STARD8: variants seen among roughly 807,000 people sequenced by gnomAD.
STARD8 encodes the protein StAR related lipid transfer domain containing 8, also known as stAR-related lipid transfer protein 8.
STARD8 carries 25 observed loss-of-function variants against 69.4 expected under a neutral mutation model. The ratio of observed to expected loss-of-function variants is 0.36; its 90% CI spans 0.26 to 0.50. The LOEUF (loss-of-function observed/expected upper bound fraction) is 0.50. STARD8 is among the 20% of genes least tolerant of loss of function. The pLI is 0.96. For missense variants in STARD8, 921 were observed against 932.5 expected (o/e 0.99, Z 0.16); for synonymous variants, 389 against 374.6 (o/e 1.04, Z -0.45).
chrX:68,680,850 C>G lies in STARD8; in HGVS notation c.79+15318C>G, dbSNP rs755498229. 4.5e-5 allele frequency among the ~76,000 whole-genome samples: 5 copies of G among 110,714 alleles called. No individual in the cohort carries two copies. The East Asian group carries it at 1.4e-3, about 31-fold the overall frequency. ...TGATACAAGGGCAAGAAGAAAGCAG[C>G]GAGGCAGGGTGAAGGGGTAAGTGGT... On this transcript the variant is annotated intron_variant, in intron 2 of 14. Transcript: ENST00000374599.
At chrX:68,654,733 GCA>G (rs755613596) in intron 1 of STARD8, among the ~76,000 whole-genome samples, 10 of 108,380 alleles carry the variant, frequency 9.2e-5, no homozygotes, top group Admixed American at 7.8e-4. Flanking sequence ...TCACATTCAT[GCA>G]CACACACACA....
intron 1 of STARD8, among the ~76,000 whole-genome samples, chrX:68,648,954 G>C (rs2079531325): frequency 8.9e-6 from 1 of 112,574 alleles, no homozygotes; most frequent in Non-Finnish European, 1.9e-5. Context: ...ACTGTGAATA[G>C]TTAAGAAATA....
intron 3 of STARD8, among the ~76,000 whole-genome samples, chrX:68,713,304 A>T (rs180772766): frequency 4.7e-4 from 53 of 112,561 alleles, no homozygotes; most frequent in Non-Finnish European, 8.8e-4. Flanking sequence ...TGCCGCCTGG[A>T]GTTGTACACC....
At chrX:68,711,962 T>C (rs1487558384) in intron 2 of STARD8, among the ~76,000 whole-genome samples, 2 of 112,757 alleles carry the variant, frequency 1.8e-5, no homozygotes, top group Admixed American at 1.9e-4. Flanking sequence ...ATCACCTGGG[T>C]GGGAAGCAAA....
At chrX:68,695,095 C>G (rs1193751621) in intron 2 of STARD8, among the ~76,000 whole-genome samples, 3 of 107,582 alleles carry the variant, frequency 2.8e-5, no homozygotes, top group African/African-American at 6.8e-5. Flanking sequence ...CCCCGCCCCC[C>G]ACACCTGTAT....
At chrX:68,683,741 C>T (rs985176893) in intron 2 of STARD8, among the ~76,000 whole-genome samples, 1 of 112,642 alleles carries the variant, frequency 8.9e-6, no homozygotes, top group African/African-American at 3.2e-5. Flanking sequence ...ACATCATCAG[C>T]CCCCCAAGGT....
At chrX:68,668,262 C>G (rs1247132196) in intron 2 of STARD8, among the ~76,000 whole-genome samples, 1 of 82,069 alleles carries the variant, frequency 1.2e-5, no homozygotes. Flanking sequence ...TTCTTTCTTT[C>G]TTTCTTTCTT....
chrX:68,665,403 G>C, intron 1 of STARD8, 96 bp from the exon 2 acceptor site: 5 of 969,449 alleles, frequency 5.2e-6, no homozygotes, highest in Non-Finnish European at 7.2e-6. Context: ...TGTAAAATGG[G>C]TAATGGGTAG....
At chrX:68,714,368 G>C (rs1004034326) in intron 3 of STARD8, among the ~76,000 whole-genome samples, 3 of 112,193 alleles carry the variant, frequency 2.7e-5, no homozygotes, top group African/African-American at 9.7e-5. Context: ...TCAGAGCCTT[G>C]ATGCTGATGT....
chrX:68,723,525 A>G (rs2080169621), intron 12 of STARD8, 101 bp from the exon 13 acceptor site: 4 of 735,719 alleles, frequency 5.4e-6, no homozygotes, highest in South Asian at 2.7e-5. Context: ...AGCCTACCCT[A>G]TTAAGCCTCA....
chrX:68,717,159 C>G, intron 5 of STARD8, 53 bp from the exon 6 acceptor site: 2 of 1,118,633 alleles, frequency 1.8e-6, no homozygotes, highest in Non-Finnish European at 2.4e-6. Context: ...GGAGTACAAG[C>G]AAGGACTTGT....
intron 1 of STARD8, among the ~76,000 whole-genome samples, chrX:68,652,164 T>A (rs780787523): frequency 9.0e-6 from 1 of 110,923 alleles, no homozygotes; most frequent in Non-Finnish European, 1.9e-5. Context: ...GGCAAGGCTG[T>A]GTCTTTAAAG....
intron 2 of STARD8, among the ~76,000 whole-genome samples, chrX:68,677,677 C>T (rs2079774377): frequency 9.0e-6 from 1 of 111,594 alleles, no homozygotes. Flanking sequence ...CAAAATGCTG[C>T]TCCTCCACCA....
intron 1 of STARD8, among the ~76,000 whole-genome samples, chrX:68,657,989 T>C (rs1261676512): frequency 9.0e-6 from 1 of 110,598 alleles, no homozygotes; most frequent in Non-Finnish European, 1.9e-5. Context: ...GTGGAGGATA[T>C]ACTTCCTATG....
At chrX:68,719,840 C>T (rs2080131869) in intron 7 of STARD8, among the ~76,000 whole-genome samples, 1 of 111,821 alleles carries the variant, frequency 8.9e-6, no homozygotes, top group African/African-American at 3.3e-5. Context: ...TTTTTCCTGC[C>T]TCTTTGCCTT....
chrX:68,691,600 G>A (rs1054188179), intron 2 of STARD8, among the ~76,000 whole-genome samples: 2 of 112,464 alleles, frequency 1.8e-5, no homozygotes, highest in African/African-American at 6.5e-5. Context: ...TATCATGATT[G>A]TAGCTTACCC....
intron 2 of STARD8, among the ~76,000 whole-genome samples, chrX:68,705,882 A>G (rs1721573392): frequency 8.9e-6 from 1 of 112,918 alleles, no homozygotes; most frequent in Non-Finnish European, 1.9e-5. Context: ...TCCCTGTGGT[A>G]GAGACTAGAA....
intron 2 of STARD8, among the ~76,000 whole-genome samples, chrX:68,668,101 C>CTTTCTT (rs1556021514): frequency 1.0e-5 from 1 of 96,736 alleles, no homozygotes. Flanking sequence ...TTCTTTCTTT[C>CTTTCTT]TTTCTTTCTT....
At chrX:68,665,748 G>A in intron 2 of STARD8, among the ~76,000 whole-genome samples, 1 of 112,137 alleles carries the variant, frequency 8.9e-6, no homozygotes, top group Non-Finnish European at 1.9e-5. Flanking sequence ...TTTCTCAGCC[G>A]GAGGTTTTGC....
Sources: gnomAD v4.1 joint callset for allele counts (sites outside exome capture counted in the v4.1 genomes callset) on GRCh38, gnomAD v4.1.1 for gene constraint, MANE v1.5 for transcripts, NCBI Gene and HGNC (gene_info 2026-07-23, HGNC 2026-07-21) for gene names.